BRWD3: variants seen among roughly 807,000 people sequenced by gnomAD.
The protein encoded by BRWD3 is bromodomain and WD repeat-containing protein 3.
Under a neutral mutation model 149.7 loss-of-function variants are expected in BRWD3, and 10 were observed. That is an observed-to-expected ratio of 0.07 (90% confidence interval 0.04 to 0.11). BRWD3 has a LOEUF of 0.11. BRWD3 is among the 10% of genes least tolerant of loss of function. The pLI is 1.00. For missense variants in BRWD3, 940 were observed against 1,373.2 expected (o/e 0.68, Z 4.99); for synonymous variants, 504 against 456.7 (o/e 1.10, Z -1.32).
intron 3 of BRWD3, 71 bp downstream of exon 3, chrX:80,808,942 C>T: frequency 9.0e-7 from 1 of 1,106,828 alleles, no homozygotes; most frequent in South Asian, 1.9e-5. Flanking sequence ...CCGTCTTCCG[C>T]CCCTGACTTG....
At chrX:80,773,821 T>C (rs2073972490) in intron 6 of BRWD3, among the ~76,000 whole-genome samples, 1 of 112,203 alleles carries the variant, frequency 8.9e-6, no homozygotes, top group Non-Finnish European at 1.9e-5. Flanking sequence ...TCTCTCCTTC[T>C]TGCAATGCCC....
At chrX:80,808,065 C>T (rs1362351683) in intron 4 of BRWD3, among the ~76,000 whole-genome samples, 1 of 82,500 alleles carries the variant, frequency 1.2e-5, no homozygotes, top group African/African-American at 4.4e-5. Flanking sequence ...CCCCCCTGCC[C>T]CCCCGCCCCC....
intron 23 of BRWD3, among the ~76,000 whole-genome samples, chrX:80,704,435 C>T (rs1033959008): frequency 2.7e-5 from 3 of 111,840 alleles, no homozygotes; most frequent in Non-Finnish European, 5.6e-5. Flanking sequence ...GACATTGCTA[C>T]GTTTTAACAA....
chrX:80,746,831 G>C, intron 6 of BRWD3: 1 of 748,608 alleles, frequency 1.3e-6, no homozygotes, highest in Non-Finnish European at 1.6e-6. Context: ...AATTTTAAGA[G>C]CAATGAAGTC....
chrX:80,712,447 A>G (rs1357715812), intron 20 of BRWD3, among the ~76,000 whole-genome samples: 1 of 110,843 alleles, frequency 9.0e-6, no homozygotes, highest in Non-Finnish European at 1.9e-5. Context: ...TCGTTCACTC[A>G]GTGCTCAATG....
At chrX:80,694,417 T>A (rs1238839351) in intron 27 of BRWD3, among the ~76,000 whole-genome samples, 1 of 111,134 alleles carries the variant, frequency 9.0e-6, no homozygotes, top group African/African-American at 3.3e-5. Context: ...TACTGCCTAG[T>A]AGAGTTGTGA....
chrX:80,709,802 T>C, intron 20 of BRWD3: 2 of 466,279 alleles, frequency 4.3e-6, no homozygotes, highest in East Asian at 3.7e-5. Context: ...TTAAAGACAG[T>C]GCTGAAAAGT....
In BRWD3 at chrX:80,674,352, A is replaced by G. The variant is rs1334036667; in HGVS notation, c.*2257T>C. On this transcript the variant is annotated 3_prime_UTR_variant, in exon 41 of 41. Coordinates refer to ENST00000373275, the MANE Select transcript of BRWD3 (RefSeq NM_153252.5). ...ATTATAAATAAAGCTCCAGATAGCC[A>G]AAATCACACAAATGTCAATTCTTCT... The G allele has an allele frequency of 8.9e-6, 1 of 111,796 alleles. No homozygotes were observed. Among genetic ancestry groups the G allele is most frequent in the Non-Finnish European group, 1.9e-5 (1 of 53,048 alleles). 9.2% of individuals were successfully genotyped at this position (111,796 alleles called of 1,213,427 possible).
chrX:80,717,445 G>C, intron 19 of BRWD3, 128 bp downstream of exon 19: 1 of 646,050 alleles, frequency 1.5e-6, no homozygotes, highest in South Asian at 2.7e-5. Context: ...GAATAATATG[G>C]AAAAACTAAT....
chrX:80,677,090 C>T lies in BRWD3; in HGVS notation c.4928G>A (p.Ser1643Asn). Residue 1643 changes from serine to asparagine, a missense_variant, in exon 41 of 41, where the codon AGC (serine) becomes AAC (asparagine). Physicochemically the swap from Ser to Asn is conservative, Grantham distance 46. Transcript: ENST00000373275. ...QDYVDGDHDY[S>N]KFIQTRPKRK... ...TTTAGGTCTGGTTTGTATGAATTTGCTATAATCATGGTCTCCATCTACGTA... is the reference window on the plus strand; with the variant it reads ...TTTAGGTCTGGTTTGTATGAATTTGTTATAATCATGGTCTCCATCTACGTA... The T allele has an allele frequency of 8.3e-7, 1 of 1,211,243 alleles. No individual in the cohort carries two copies. Among genetic ancestry groups the T allele is most frequent in the Non-Finnish European group, 1.1e-6 (1 of 895,089 alleles).
At chrX:80,786,859 G>C (rs1031144111) in intron 6 of BRWD3, among the ~76,000 whole-genome samples, 1 of 111,359 alleles carries the variant, frequency 9.0e-6, no homozygotes, top group Non-Finnish European at 1.9e-5. Flanking sequence ...GGCACTAGCA[G>C]CTCAATAATT....
At chrX:80,749,744 T>C (rs2073641089) in intron 6 of BRWD3, among the ~76,000 whole-genome samples, 1 of 111,449 alleles carries the variant, frequency 9.0e-6, no homozygotes. Flanking sequence ...AAAAAAATCC[T>C]AAAATTCAAG....
chrX:80,696,719 A>T lies in BRWD3; in HGVS notation c.3068+20T>A. 8.3e-7 allele frequency: 1 copy of T among 1,208,322 alleles called. No individual in the cohort carries two copies. Among genetic ancestry groups the T allele is most frequent in the East Asian group, 3.0e-5 (1 of 33,767 alleles). Reference sequence around the variant, plus strand: ...TTAAAATACACACACTCAAACAGAGACTCAGAGATAACTACTCACTTAATG... The same window carrying T: ...TTAAAATACACACACTCAAACAGAGTCTCAGAGATAACTACTCACTTAATG... On this transcript the variant is annotated intron_variant, in intron 26 of 40. Coordinates refer to ENST00000373275, the MANE Select transcript of BRWD3 (RefSeq NM_153252.5).
At chrX:80,747,230 T>C (rs1039565078) in intron 6 of BRWD3, among the ~76,000 whole-genome samples, 1 of 109,322 alleles carries the variant, frequency 9.1e-6, no homozygotes, top group African/African-American at 3.3e-5. Context: ...ACTTTGCAGG[T>C]AGATGCAGGG....
chrX:80,770,943 C>T (rs1210236757), intron 6 of BRWD3, among the ~76,000 whole-genome samples: 2 of 111,306 alleles, frequency 1.8e-5, no homozygotes, highest in Middle Eastern at 9.4e-3. Flanking sequence ...TCACAAGCAT[C>T]CCTATACACC....
At chrX:80,679,695 A>T (rs1247478972) in intron 40 of BRWD3, among the ~76,000 whole-genome samples, 1 of 110,880 alleles carries the variant, frequency 9.0e-6, no homozygotes, top group East Asian at 2.8e-4. Context: ...TAGAGTTCAT[A>T]GAGAAGGTAG....
chrX:80,802,872 G>A (rs1478938579), intron 4 of BRWD3, among the ~76,000 whole-genome samples: 1 of 110,844 alleles, frequency 9.0e-6, no homozygotes, highest in African/African-American at 3.3e-5. Context: ...TTGGGAGGCC[G>A]AGGCAGGCAG....
rs766632178 is a variant in BRWD3 at position 80,743,187 on chromosome X, C to T, written c.813+845G>A. Among the ~76,000 whole-genome samples the T allele has an allele frequency of 5.4e-5, 6 of 111,548 alleles. No homozygotes were observed. The South Asian group carries it at 1.1e-3, about 21-fold the overall frequency. On this transcript the variant is annotated intron_variant, in intron 8 of 40. Transcript: ENST00000373275. The stretch of plus-strand genomic sequence containing the variant: ...TCTTGTCTTTGGTTCTGTTTATATG[C>T]GGGATTATGTTTATTGATTTGCATA...
intron 17 of BRWD3, among the ~76,000 whole-genome samples, chrX:80,720,552 AAAAC>A (rs752683129): frequency 1.0e-4 from 11 of 108,532 alleles, no homozygotes; most frequent in African/African-American, 2.3e-4. Context: ...GAAAAGTTAA[AAAAC>A]AAACAAACAA....
Sources: allele counts gnomAD v4.1 joint callset (sites outside exome capture counted in the v4.1 genomes callset), GRCh38; gene constraint gnomAD v4.1.1; transcripts MANE v1.5; gene names NCBI Gene and HGNC (gene_info 2026-07-23, HGNC 2026-07-21).